The following SLC8A1 variants were observed in gnomAD, a reference collection of about 807,000 sequenced individuals.
SLC8A1 encodes the protein sodium/calcium exchanger 1.
SLC8A1 carries 18 observed loss-of-function variants against 68.3 expected under a neutral mutation model. The ratio of observed to expected loss-of-function variants is 0.26; its 90% CI spans 0.18 to 0.39. The LOEUF is 0.39. Ranked by LOEUF, SLC8A1 falls within the 10% of genes least tolerant of loss-of-function variation. The pLI is 1.00. For synonymous variants in SLC8A1, 475 were observed against 415.5 expected (o/e 1.14, Z -1.74); for missense variants, 985 against 1,156.7 (o/e 0.85, Z 2.15).
intron 2 of SLC8A1, among the ~76,000 whole-genome samples, chr2:40,322,821 AACACACACACAC>A (rs5830620): frequency 0.013 from 1,886 of 147,712 alleles, 40 homozygotes; most frequent in African/African-American, 0.044. Flanking sequence ...TTTATTGGGT[AACACACACACAC>A]ACACACACAC....
rs546488528 is a variant in SLC8A1, at chr2:40,211,231, T to A, written c.1809-33376A>T. Among the ~76,000 whole-genome samples the A allele has an allele frequency of 3.9e-5, 6 of 152,360 alleles. No homozygotes were observed. In the East Asian group the frequency reaches 1.2e-3, roughly 29 times the overall value. On this transcript the variant is annotated intron_variant, in intron 2 of 7. Coordinates refer to ENST00000406785, the Ensembl canonical transcript of SLC8A1. ...GCATACTCATGAGATCTGAAACTCA[T>A]GTACGTTGGCACCTTTAACATAACT...
intron 2 of SLC8A1, among the ~76,000 whole-genome samples, chr2:40,250,055 G>C (rs2062498778): frequency 6.6e-6 from 1 of 152,164 alleles, no homozygotes; most frequent in Admixed American, 6.6e-5. Context: ...CCATTGTTCT[G>C]TAACCTGACT....
intron 1 of SLC8A1, among the ~76,000 whole-genome samples, chr2:40,498,237 G>A (rs1388262108): frequency 1.3e-5 from 2 of 151,962 alleles, no homozygotes; most frequent in Admixed American, 6.6e-5. Context: ...TTGGTTGGAC[G>A]GTGAACAATA....
chr2:40,262,216 C>T (rs2064807977), intron 2 of SLC8A1, among the ~76,000 whole-genome samples: 1 of 152,208 alleles, frequency 6.6e-6, no homozygotes, highest in Non-Finnish European at 1.5e-5. Flanking sequence ...CCACCTCAGC[C>T]TCCCAAAGTG....
At chr2:40,261,666 A>G (rs1296606024) in intron 2 of SLC8A1, among the ~76,000 whole-genome samples, 2 of 152,200 alleles carry the variant, frequency 1.3e-5, no homozygotes, top group Non-Finnish European at 1.5e-5. Flanking sequence ...GTATGACAAA[A>G]TACTATGCCT....
intron 2 of SLC8A1, among the ~76,000 whole-genome samples, chr2:40,374,481 T>C (rs1192154263): frequency 1.3e-5 from 2 of 152,112 alleles, no homozygotes; most frequent in Non-Finnish European, 1.5e-5. Context: ...TATATATGTA[T>C]GTATTTGGAA....
intron 7 of SLC8A1, among the ~76,000 whole-genome samples, chr2:40,125,987 G>T (rs2038004011): frequency 6.6e-6 from 1 of 152,122 alleles, no homozygotes; most frequent in African/African-American, 2.4e-5. Context: ...ATTCTGAGGA[G>T]GAAGATGGGT....
At chr2:40,433,429 C>A (rs1441720151) in intron 1 of SLC8A1, among the ~76,000 whole-genome samples, 2 of 152,152 alleles carry the variant, frequency 1.3e-5, no homozygotes, top group African/African-American at 4.8e-5. Flanking sequence ...TGAGAGAATA[C>A]TAGATTCCAT....
intron 2 of SLC8A1, among the ~76,000 whole-genome samples, chr2:40,262,030 T>C (rs1308273036): frequency 1.3e-5 from 2 of 151,874 alleles, no homozygotes; most frequent in Non-Finnish European, 1.5e-5. Flanking sequence ...TGGTGTGATC[T>C]TGGCTCACTG....
chr2:40,314,929 T>C (rs2074238772), intron 2 of SLC8A1, among the ~76,000 whole-genome samples: 1 of 152,034 alleles, frequency 6.6e-6, no homozygotes, highest in Non-Finnish European at 1.5e-5. Context: ...AATAATCATG[T>C]TGTCTACGAA....
At chr2:40,391,612 A>G (rs1685288567) in intron 2 of SLC8A1, among the ~76,000 whole-genome samples, 1 of 151,974 alleles carries the variant, frequency 6.6e-6, no homozygotes, top group African/African-American at 2.4e-5. Context: ...TCTTTCCTAG[A>G]GTCTTTACTT....
At chr2:40,450,346 A>ATG (rs1234397248) in intron 1 of SLC8A1, among the ~76,000 whole-genome samples, 5 of 125,818 alleles carry the variant, frequency 4.0e-5, no homozygotes, top group Non-Finnish European at 8.1e-5. Flanking sequence ...AAGAGAAAGC[A>ATG]TGTGAGTGTG....
At chr2:40,271,569 A>G (rs989235250) in intron 2 of SLC8A1, among the ~76,000 whole-genome samples, 4 of 152,066 alleles carry the variant, frequency 2.6e-5, no homozygotes, top group African/African-American at 9.7e-5. Context: ...TTGTTTGCCT[A>G]TTTTCCACGT....
chr2:40,300,221 T>A (rs935394965), intron 2 of SLC8A1, among the ~76,000 whole-genome samples: 1 of 152,204 alleles, frequency 6.6e-6, no homozygotes, highest in Non-Finnish European at 1.5e-5. Flanking sequence ...ATGCCAAGTA[T>A]ATACTAAGTA....
chr2:40,369,384 A>C (rs6544334), intron 2 of SLC8A1, among the ~76,000 whole-genome samples: 101,491 of 151,942 alleles, frequency 0.67, 34,879 homozygotes, highest in African/African-American at 0.82. Context: ...CCATTAGCGG[A>C]ATACATAAAG....
At chr2:40,337,794 T>C (rs1666456236) in intron 2 of SLC8A1, among the ~76,000 whole-genome samples, 1 of 152,176 alleles carries the variant, frequency 6.6e-6, no homozygotes, top group African/African-American at 2.4e-5. Flanking sequence ...CTTATTTCAG[T>C]TATTGTACAT....
At chr2:40,391,131 A>G (rs1685101694) in intron 2 of SLC8A1, among the ~76,000 whole-genome samples, 1 of 150,066 alleles carries the variant, frequency 6.7e-6, no homozygotes, top group Non-Finnish European at 1.5e-5. Flanking sequence ...TGAGCATTCT[A>G]TTCTCCTTAA....
intron 2 of SLC8A1, among the ~76,000 whole-genome samples, chr2:40,388,706 A>C (rs1024861613): frequency 1.1e-4 from 17 of 152,178 alleles, no homozygotes; most frequent in African/African-American, 4.1e-4. Flanking sequence ...CAAATAACGC[A>C]AAGTGAACAA....
intron 2 of SLC8A1, among the ~76,000 whole-genome samples, chr2:40,354,732 G>C (rs1672171051): frequency 1.3e-5 from 2 of 152,120 alleles, no homozygotes; most frequent in Admixed American, 6.6e-5. Flanking sequence ...AAAAGAAAAA[G>C]GGAGAAAAGA....
Sources: allele counts gnomAD v4.1 joint callset (sites outside exome capture counted in the v4.1 genomes callset), GRCh38; gene constraint gnomAD v4.1.1; transcripts MANE v1.5; gene names NCBI Gene and HGNC (gene_info 2026-07-23, HGNC 2026-07-21).